The following STX2 variants were observed in gnomAD, a reference collection of about 807,000 sequenced individuals.
STX2 encodes syntaxin-2.
STX2 carries 27 observed loss-of-function variants against 40.6 expected under a neutral mutation model. That is an observed-to-expected ratio of 0.66 (90% confidence interval 0.49 to 0.92). STX2 has a LOEUF of 0.92. STX2 is among the 40% of genes least tolerant of loss of function. The pLI is 0.00. For missense variants in STX2, 328 were observed against 366.1 expected, an observed-to-expected ratio of 0.90 and a Z score of 0.85; for synonymous variants, 123 against 119.1, an observed-to-expected ratio of 1.03 and a Z score of -0.22.
At chr12:130,818,087 G>A (rs1951929821) in intron 3 of STX2, among the ~76,000 whole-genome samples, 1 of 148,684 alleles carries the variant, frequency 6.7e-6, no homozygotes, top group Non-Finnish European at 1.5e-5. Flanking sequence ...CGTTTCTGAA[G>A]GGAGAAGGCC....
intron 1 of STX2, 119 bp from the exon 2 acceptor site, chr12:130,827,386 G>GT: frequency 1.4e-6 from 1 of 704,674 alleles, no homozygotes; most frequent in Non-Finnish European, 2.5e-6. Context: ...GCACCAAATT[G>GT]TAACAGACTA....
At chr12:130,813,107 T>C in intron 3 of STX2, 76 bp from the exon 4 acceptor site, 1 of 923,322 alleles carries the variant, frequency 1.1e-6, no homozygotes, top group Non-Finnish European at 1.5e-6. Context: ...ATCCAATAAA[T>C]TTAAGTGAAA....
chr12:130,808,763 T>C, intron 4 of STX2, 59 bp from the exon 5 acceptor site: 2 of 1,389,294 alleles, frequency 1.4e-6, no homozygotes, highest in Non-Finnish European at 2.0e-6. Context: ...GTTCCAAGCC[T>C]GACTTCAAAT....
At chr12:130,796,733 G>A (rs1951041052) in intron 9 of STX2, among the ~76,000 whole-genome samples, 1 of 152,172 alleles carries the variant, frequency 6.6e-6, no homozygotes, top group Non-Finnish European at 1.5e-5. Context: ...GTACAGAGGT[G>A]CGGGCCTGCT....
intron 3 of STX2, among the ~76,000 whole-genome samples, chr12:130,814,495 A>C (rs1399209721): frequency 2.0e-5 from 3 of 151,990 alleles, no homozygotes; most frequent in Non-Finnish European, 2.9e-5. Context: ...CTGGCGTGGG[A>C]GGAGGCCAAC....
At chr12:130,792,870 C>CA (rs1950919098) in intron 10 of STX2, among the ~76,000 whole-genome samples, 1 of 152,200 alleles carries the variant, frequency 6.6e-6, no homozygotes, top group Non-Finnish European at 1.5e-5. Flanking sequence ...TGCGACACAG[C>CA]ATTTAACTTT....
chr12:130,821,750 T>G lies in STX2; in HGVS notation c.144A>C (p.Gln48His). 1 of 1,613,472 alleles carries G rather than the reference T, an allele frequency of 6.2e-7. No homozygotes were observed. Among genetic ancestry groups the G allele is most frequent in the Non-Finnish European group, 8.5e-7 (1 of 1,179,372 alleles). ...GGTTTTTCTTTACTTCTTCAACATA[T>G]TGAGTTATTTTATCAATACTGTTTC... The part of the protein sequence containing the change: ...EIRNSIDKIT[Q>H]YVEEVKKNHS... Residue 48 changes from glutamine to histidine, a missense_variant, in exon 3 of 11, where the codon CAA becomes CAC. By Grantham distance (24) the Gln-to-His change is conservative. Transcript: ENST00000392373.
intron 4 of STX2, chr12:130,812,433 A>ACAG: frequency 2.3e-6 from 1 of 431,896 alleles, no homozygotes. Context: ...GCTTCTGCAC[A>ACAG]CATCTGAAAC....
At chr12:130,801,533 T>C in intron 6 of STX2, 45 bp from the exon 7 acceptor site, 1 of 1,499,820 alleles carries the variant, frequency 6.7e-7, no homozygotes, top group Non-Finnish European at 8.9e-7. Context: ...GCAGCACAAT[T>C]TAAAAACAAA....
intron 5 of STX2, among the ~76,000 whole-genome samples, 153 bp from the exon 6 acceptor site, chr12:130,807,243 T>C (rs568292757): frequency 6.6e-5 from 10 of 152,384 alleles, no homozygotes; most frequent in Non-Finnish European, 1.2e-4. Context: ...GCAGCATCTG[T>C]GCTAAGAACT....
At chr12:130,814,217 C>G (rs542649328) in intron 3 of STX2, among the ~76,000 whole-genome samples, 273 of 152,108 alleles carry the variant, frequency 1.8e-3, no homozygotes, top group Non-Finnish European at 2.3e-3. Context: ...AGGCCCGTGT[C>G]ATCTAAGGAG....
chr12:130,807,077 G>A lies in STX2; in HGVS notation c.368C>T (p.Ser123Phe). Residue 123 changes from serine (S) to phenylalanine (F), a missense_variant, in exon 6 of 11, where the codon TCT becomes TTT. By Grantham distance (155) the Ser-to-Phe change is radical. Transcript: ENST00000392373. Reference protein sequence around the residue: ...RIRRTQHSVLSRKFVEAMAEY... With the variant: ...RIRRTQHSVLFRKFVEAMAEY... ...CGCCATGGCTTCCACAAACTTCCGA[G>A]ACAGCACCGAATGCTAACAACACAG... The A allele has an allele frequency of 1.9e-6, 3 of 1,614,178 alleles. No homozygotes were observed. Among genetic ancestry groups the A allele is most frequent in the Non-Finnish European group, 2.5e-6 (3 of 1,180,022 alleles).
chr12:130,818,432 T>G (rs1330969558), intron 3 of STX2, among the ~76,000 whole-genome samples: 7 of 151,810 alleles, frequency 4.6e-5, no homozygotes, highest in African/African-American at 1.7e-4. Context: ...GGAAGGCAGA[T>G]GCCACCACTA....
At chr12:130,826,761 G>A (rs537112872) in intron 2 of STX2, among the ~76,000 whole-genome samples, 54 of 152,104 alleles carry the variant, frequency 3.6e-4, no homozygotes, top group African/African-American at 1.2e-3. Context: ...AGCACTTTGG[G>A]AAGCTGAGGC....
chr12:130,822,825 A>G (rs1952165658), intron 2 of STX2, among the ~76,000 whole-genome samples: 1 of 152,224 alleles, frequency 6.6e-6, no homozygotes, highest in South Asian at 2.1e-4. Context: ...GACCCTGAGC[A>G]GTAGGATATA....
At chr12:130,835,648 C>G (rs12366541) in intron 1 of STX2, among the ~76,000 whole-genome samples, 25,664 of 152,190 alleles carry the variant, frequency 0.17, 2,794 homozygotes, top group Non-Finnish European at 0.23. Context: ...GCATGCATCC[C>G]CACCCACGCT....
intron 6 of STX2, among the ~76,000 whole-genome samples, chr12:130,804,891 T>C (rs1168771529): frequency 1.3e-5 from 2 of 151,556 alleles, no homozygotes; most frequent in Admixed American, 1.3e-4. Flanking sequence ...ATGAATTCTG[T>C]GGGCTGAGAT....
chr12:130,815,545 G>C (rs1012661220), intron 3 of STX2, among the ~76,000 whole-genome samples: 1 of 152,216 alleles, frequency 6.6e-6, no homozygotes, highest in African/African-American at 2.4e-5. Flanking sequence ...AATAAGCCCT[G>C]TTTTCATCTG....
rs1204554730 is a variant in STX2 at position 130,793,638 on chromosome 12, TG to T, written c.*46-1662del. 1.1e-4 allele frequency among the ~76,000 whole-genome samples: 16 copies of T among 152,304 alleles called. No homozygotes were observed. The East Asian group carries it at 3.1e-3, about 29-fold the overall frequency. On this transcript the variant is annotated intron_variant, in intron 10 of 10. Coordinates refer to ENST00000392373, the MANE Select transcript of STX2 (RefSeq NM_194356.4). ...CAGCGAGAGTGGAAAGGGTACACCC[TG>T]GGGAGTCCAGCTCCAGGTCTGGGCC... is the stretch of plus-strand genomic sequence containing the variant.
Sources: allele counts gnomAD v4.1 joint callset (sites outside exome capture counted in the v4.1 genomes callset), GRCh38; gene constraint gnomAD v4.1.1; transcripts MANE v1.5; gene names NCBI Gene and HGNC (gene_info 2026-07-23, HGNC 2026-07-21).